MAGI2: variants seen among roughly 807,000 people sequenced by gnomAD.
MAGI2 encodes the protein membrane-associated guanylate kinase, WW and PDZ domain-containing protein 2.
In MAGI2, 35 loss-of-function variants were observed where a neutral mutation model predicts 133.3. The observed-to-expected ratio is 0.26, with a 90% CI of 0.20 to 0.35. The LOEUF (loss-of-function observed/expected upper bound fraction) is 0.35, where lower values mean the gene tolerates loss of function less well. Among genes scored for constraint, MAGI2 ranks in the 10% least tolerant of loss-of-function variants. The probability of loss-of-function intolerance (pLI) is 1.00; values close to 1 mark genes in which losing one functional copy is unlikely to be tolerated. For missense variants in MAGI2, 1,636 were observed against 1,863.4 expected (o/e 0.88, Z 2.25); for synonymous variants, 729 against 710.6 (o/e 1.03, Z -0.41).
chr7:78,632,697 G>C (rs779924838), intron 2 of MAGI2, among the ~76,000 whole-genome samples: 1 of 152,180 alleles, frequency 6.6e-6, no homozygotes, highest in African/African-American at 2.4e-5. Context: ...AATGACTGGT[G>C]TATGTGCATA....
chr7:79,365,629 G>C (rs190358947), intron 1 of MAGI2, among the ~76,000 whole-genome samples: 1 of 151,830 alleles, frequency 6.6e-6, no homozygotes, highest in African/African-American at 2.4e-5. Context: ...GGGCCGAGGC[G>C]GGCAGATCAC....
At chr7:79,185,188 G>A (rs1031564319) in intron 1 of MAGI2, among the ~76,000 whole-genome samples, 2 of 151,704 alleles carry the variant, frequency 1.3e-5, no homozygotes, top group African/African-American at 4.9e-5. Context: ...TAATGAGTTT[G>A]ACAATTTCAG....
intron 1 of MAGI2, among the ~76,000 whole-genome samples, chr7:79,300,264 A>G (rs2129559618): frequency 6.6e-6 from 1 of 152,292 alleles, no homozygotes; most frequent in African/African-American, 2.4e-5. Flanking sequence ...AACTGGTAAA[A>G]TGGTTGTGAC....
At chr7:78,101,309 G>T (rs1818190631) in intron 20 of MAGI2, among the ~76,000 whole-genome samples, 1 of 152,072 alleles carries the variant, frequency 6.6e-6, no homozygotes, top group Non-Finnish European at 1.5e-5. Flanking sequence ...TATATTACAA[G>T]GTTATAGTAA....
At chr7:79,254,343 A>T (rs1833538218) in intron 1 of MAGI2, among the ~76,000 whole-genome samples, 1 of 152,172 alleles carries the variant, frequency 6.6e-6, no homozygotes. Context: ...TGGCATTTTC[A>T]ACTCCATAGA....
At chr7:79,330,948 C>G (rs773807569) in intron 1 of MAGI2, among the ~76,000 whole-genome samples, 1 of 152,082 alleles carries the variant, frequency 6.6e-6, no homozygotes, top group Admixed American at 6.6e-5. Flanking sequence ...CATTCCTTCA[C>G]GACAATTTAC....
chr7:78,409,533 A>G (rs1477749792), intron 6 of MAGI2, among the ~76,000 whole-genome samples: 4 of 152,148 alleles, frequency 2.6e-5, no homozygotes, highest in African/African-American at 9.7e-5. Context: ...AGGTTTAGTG[A>G]AGAAAATAAA....
At chr7:79,282,628 A>C (rs1173473844) in intron 1 of MAGI2, among the ~76,000 whole-genome samples, 1 of 152,184 alleles carries the variant, frequency 6.6e-6, no homozygotes, top group African/African-American at 2.4e-5. Context: ...GAAAAAAATC[A>C]TAAGGAGGAG....
intron 10 of MAGI2, among the ~76,000 whole-genome samples, chr7:78,231,839 G>A (rs976933738): frequency 3.9e-5 from 6 of 152,166 alleles, no homozygotes; most frequent in East Asian, 1.9e-4. Context: ...AAGTCCAGTC[G>A]TTGACTGAAT....
At chr7:78,698,790 A>G (rs558335660) in intron 2 of MAGI2, among the ~76,000 whole-genome samples, 1 of 152,172 alleles carries the variant, frequency 6.6e-6, no homozygotes, top group East Asian at 1.9e-4. Flanking sequence ...AAGCGGAGGG[A>G]AAGCCCCTTA....
intron 10 of MAGI2, among the ~76,000 whole-genome samples, chr7:78,244,329 C>T (rs567140406): frequency 6.6e-6 from 1 of 151,904 alleles, no homozygotes; most frequent in African/African-American, 2.4e-5. Context: ...GGATAACATG[C>T]ATTGTAAAAA....
At chr7:78,847,612 G>A (rs934989300) in intron 2 of MAGI2, among the ~76,000 whole-genome samples, 3 of 151,946 alleles carry the variant, frequency 2.0e-5, no homozygotes, top group African/African-American at 7.2e-5. Flanking sequence ...ATTTTGCATA[G>A]TAGAGTTAAA....
chr7:78,592,062 C>G (rs1804059159), intron 3 of MAGI2, among the ~76,000 whole-genome samples: 1 of 152,104 alleles, frequency 6.6e-6, no homozygotes. Flanking sequence ...GGACAGGTGA[C>G]TCAGAGGATT....
intron 2 of MAGI2, among the ~76,000 whole-genome samples, chr7:78,751,044 A>C (rs1210883834): frequency 6.6e-6 from 1 of 152,198 alleles, no homozygotes; most frequent in Admixed American, 6.6e-5. Flanking sequence ...TGGGAGAAAT[A>C]CACTGGACTT....
At chr7:78,044,062 T>A (rs1343258546) in intron 21 of MAGI2, among the ~76,000 whole-genome samples, 1 of 152,238 alleles carries the variant, frequency 6.6e-6, no homozygotes, top group African/African-American at 2.4e-5. Flanking sequence ...GGGGATAATT[T>A]GTGTTATAAC....
chr7:78,022,972 T>G (rs73703870), intron 21 of MAGI2, among the ~76,000 whole-genome samples: 6,349 of 152,246 alleles, frequency 0.042, 433 homozygotes, highest in African/African-American at 0.14. Flanking sequence ...AACAAGAAAT[T>G]AAGATTTACT....
At chr7:78,509,530 T>C (rs1795390344) in intron 4 of MAGI2, 1 of 152,198 alleles carries the variant, frequency 6.6e-6, no homozygotes, top group Non-Finnish European at 1.5e-5. Flanking sequence ...AATGTATGTA[T>C]TTGTGCATTT....
At chr7:79,019,338 T>G (rs1034298925) in intron 1 of MAGI2, among the ~76,000 whole-genome samples, 1 of 152,056 alleles carries the variant, frequency 6.6e-6, no homozygotes, top group Admixed American at 6.6e-5. Context: ...TGATACTGAG[T>G]GAACTCTCAT....
At chr7:78,852,365 C>T (rs990234470) in intron 2 of MAGI2, among the ~76,000 whole-genome samples, 2 of 151,760 alleles carry the variant, frequency 1.3e-5, no homozygotes, top group African/African-American at 2.4e-5. Context: ...ATTTTTTTCA[C>T]GAACAGGAAA....
Sources: allele counts gnomAD v4.1 joint callset (sites outside exome capture counted in the v4.1 genomes callset), GRCh38; gene constraint gnomAD v4.1.1; transcripts MANE v1.5; gene names NCBI Gene and HGNC (gene_info 2026-07-23, HGNC 2026-07-21).